HEXD: variants seen among roughly 807,000 people sequenced by gnomAD.
The protein encoded by HEXD is N-acetyl-beta-galactosaminidase.
HEXD carries 47 observed loss-of-function variants against 54.2 expected under a neutral mutation model. The ratio of observed to expected loss-of-function variants is 0.87; its 90% CI spans 0.69 to 1.11. The LOEUF is 1.11. Ranked by LOEUF, HEXD falls within the 50% of genes least tolerant of loss-of-function variation. The pLI is 0.00. For missense variants in HEXD, 576 were observed against 649.2 expected (o/e 0.89, Z 1.23); for synonymous variants, 293 against 287.6 (o/e 1.02, Z -0.19).
In HEXD at chr17:82,418,382, A is replaced by T. The variant is rs542040886; in HGVS notation, c.-410A>T. 304 of 1,411,906 alleles carry T rather than the reference A, an allele frequency of 2.2e-4. 4 individuals carry two copies. The South Asian group carries it at 3.7e-3, about 17-fold the overall frequency. The allele number at this position is 1,411,906 out of a possible 1,614,324, so 87.5% of individuals were successfully genotyped here. ...ACTCCATGGCCCTGTCCGCCGCCGC[A>T]GCGCGCGCCCTTCCCCTCCTCACCG... is the stretch of plus-strand genomic sequence containing the variant. On this transcript the variant is annotated 5_prime_UTR_variant, in exon 1 of 13. Transcript: ENST00000327949.
At chr17:82,421,837 AAAAG>A (rs767617508) in intron 2 of HEXD, among the ~76,000 whole-genome samples, 12 of 151,870 alleles carry the variant, frequency 7.9e-5, no homozygotes, top group African/African-American at 1.9e-4. Context: ...AAAAAAGAAA[AAAAG>A]AAGCAAAAAA....
Position 82,419,735 on chromosome 17 carries a change from A to G in HEXD, c.-51-14A>G, listed in dbSNP as rs2053175804. 8 of 1,033,150 alleles carry G rather than the reference A, an allele frequency of 7.7e-6. No individual in the cohort carries two copies. Among genetic ancestry groups the G allele is most frequent in the Non-Finnish European group, 1.1e-5 (7 of 666,584 alleles). 64.0% of individuals were successfully genotyped at this position (1,033,150 alleles called of 1,614,324 possible). On this transcript the variant is annotated splice_polypyrimidine_tract_variant and intron_variant, in intron 1 of 12. Transcript: ENST00000327949. ...CTTCTGCCCCTGTTGATAACTCTTG[A>G]TTTTCTCCACTAGGAAGAAGTCCCC... is the stretch of plus-strand genomic sequence containing the variant.
At chr17:82,437,088 G>A in intron 7 of HEXD, 80 bp from the exon 8 acceptor site, 14 of 1,294,412 alleles carry the variant, frequency 1.1e-5, no homozygotes, top group Non-Finnish European at 1.4e-5. Flanking sequence ...GTTGGCTCTG[G>A]GTACAGCCCC....
At position 82,424,212 on chromosome 17, in the gene HEXD, C is replaced by T. The variant is rs142570318; in HGVS notation, c.85-182C>T. ...CTTCTGTGCAAAATAGTCACTGGAA[C>T]GGGGAGTTTCATTTGGCATAACGTA... On this transcript the variant is annotated intron_variant, in intron 2 of 12. Transcript: ENST00000327949. Among the ~76,000 whole-genome samples the T allele has an allele frequency of 2.7e-3, 409 of 152,278 alleles. 2 individuals are homozygous for T. Among genetic ancestry groups the T allele is most frequent in the Non-Finnish European group, 4.5e-3 (303 of 68,024 alleles).
At chr17:82,438,574 G>T (rs192367637) in intron 8 of HEXD, among the ~76,000 whole-genome samples, 1 of 152,208 alleles carries the variant, frequency 6.6e-6, no homozygotes, top group Non-Finnish European at 1.5e-5. Flanking sequence ...ACCCCTGGTC[G>T]CCGGCCAAGT....
chr17:82,440,762 T>G, intron 9 of HEXD: 2 of 564,758 alleles, frequency 3.5e-6, no homozygotes, highest in Non-Finnish European at 6.2e-6. Flanking sequence ...AACACAGTCT[T>G]ACTTCTGTTT....
chr17:82,434,038 A>G lies in HEXD; in HGVS notation c.447+216A>G, dbSNP rs906358487. Among the ~76,000 whole-genome samples the G allele has an allele frequency of 3.3e-5, 5 of 149,572 alleles. No individual in the cohort carries two copies. Among genetic ancestry groups the G allele is most frequent in the Non-Finnish European group, 5.9e-5 (4 of 67,260 alleles). On this transcript the variant is annotated intron_variant, in intron 5 of 12. Transcript: ENST00000327949. The surrounding 1 kb of genome is among the most constrained non-coding windows in gnomAD (Gnocchi z 4.5). ...CACCCTCGTGTCAGACGCGTCCAAC[A>G]TCTTCTCCGGGTGGATGGGCGGCCT... is the stretch of plus-strand genomic sequence containing the variant.
chr17:82,439,912 G>A, intron 9 of HEXD, 199 bp downstream of exon 9: 1 of 1,525,422 alleles, frequency 6.6e-7, no homozygotes, highest in Non-Finnish European at 8.8e-7. Flanking sequence ...TGGGTCTCCA[G>A]GCCTAAGCCC....
chr17:82,437,419 C>T (rs974553650), intron 8 of HEXD, 56 bp downstream of exon 8: 14 of 1,441,784 alleles, frequency 9.7e-6, no homozygotes, highest in South Asian at 1.4e-5. Context: ...GTGGCCACCA[C>T]GTCGGCCTGT....
Position 82,419,810 on chromosome 17 carries a change from C to T in HEXD, c.11C>T (p.Ser4Phe), listed in dbSNP as rs1393197338. MSG[S>F]TPFQMRLVHL... is the part of the protein sequence containing the mutation. ...ACAGGAAATATTGAAATGTCAGGTT[C>T]CACTCCATTTCAGATGAGATTAGTT... is the stretch of plus-strand genomic sequence containing the variant. The change falls in exon 2 of 13, where the codon TCC (serine) becomes TTC (phenylalanine). Residue 4 changes from serine to phenylalanine, a missense_variant. Ser to Phe is a radical substitution (Grantham distance 155). Coordinates refer to ENST00000327949, the MANE Select transcript of HEXD (RefSeq NM_001330542.2). 6.2e-7 allele frequency: 1 copy of T among 1,605,714 alleles called. No homozygotes were observed.
intron 7 of HEXD, 88 bp from the exon 8 acceptor site, chr17:82,437,080 T>C (rs2143589265): frequency 8.3e-7 from 1 of 1,202,774 alleles, no homozygotes; most frequent in Non-Finnish European, 1.2e-6. Flanking sequence ...GCTCCCATGT[T>C]GGCTCTGGGT....
chr17:82,439,611 C>T lies in HEXD; in HGVS notation c.900-20C>T, dbSNP rs778948358. The T allele has an allele frequency of 1.2e-5, 19 of 1,523,562 alleles. No individual in the cohort carries two copies. Among genetic ancestry groups the T allele is most frequent in the South Asian group, 5.1e-5 (4 of 78,826 alleles). 94.4% of individuals were successfully genotyped at this position (1,523,562 alleles called of 1,614,324 possible). On this transcript the variant is annotated intron_variant, in intron 8 of 12. Coordinates refer to ENST00000327949, the MANE Select transcript of HEXD (RefSeq NM_001330542.2). ...GCTGGGGGCGGGCTGCGGAGCTAAG[C>T]GCCCCTCTCATGGACCCAGGTACGA... is the stretch of plus-strand genomic sequence containing the variant.
chr17:82,428,803 T>G (rs1353599420), intron 4 of HEXD, among the ~76,000 whole-genome samples, 158 bp downstream of exon 4: 3 of 152,032 alleles, frequency 2.0e-5, no homozygotes, highest in Non-Finnish European at 4.4e-5. Context: ...GTCTAGGAAG[T>G]CCCTGCCTGA....
At position 82,442,384 on chromosome 17, in the gene HEXD, A is replaced by C. The variant is rs755585909; in HGVS notation, c.1461A>C (p.Ter487CysextTer45). The part of the protein sequence containing the change: ...SPGRDVAQDP[*>C] Reference sequence around the variant, plus strand: ...GCAGGGACGTTGCTCAGGACCCCTGAGGGGAGAGCTCATGCCAGGGGGCTC... The same window carrying C: ...GCAGGGACGTTGCTCAGGACCCCTGCGGGGAGAGCTCATGCCAGGGGGCTC... The change falls in exon 13 of 13, where the codon TGA becomes TGC. Residue 487 changes from the stop codon to cysteine (C), a stop_lost. Transcript: ENST00000327949. This position sits in a 1 kb window ranked among gnomAD's most constrained non-coding sequence, Gnocchi z 6.8. 1.2e-6 allele frequency: 2 copies of C among 1,609,636 alleles called. No individual in the cohort carries two copies. Among genetic ancestry groups the C allele is most frequent in the Non-Finnish European group, 1.7e-6 (2 of 1,177,594 alleles).
intron 11 of HEXD, 116 bp from the exon 12 acceptor site, chr17:82,441,684 G>T: frequency 2.4e-6 from 2 of 835,120 alleles, no homozygotes; most frequent in East Asian, 2.4e-5. Flanking sequence ...GACTTTCTGG[G>T]GGACATAAGA....
chr17:82,435,586 C>G (rs985333061), intron 5 of HEXD, 103 bp from the exon 6 acceptor site: 8 of 1,211,366 alleles, frequency 6.6e-6, no homozygotes, highest in Admixed American at 4.6e-5. Flanking sequence ...GCCTCCTCCC[C>G]ACAGGCAGCG....
At chr17:82,439,340 G>A (rs2053861020) in intron 8 of HEXD, 1 of 752,224 alleles carries the variant, frequency 1.3e-6, no homozygotes, top group African/African-American at 1.9e-5. Context: ...ACAACGACCG[G>A]CCACCCACCC....
chr17:82,441,338 G>T (rs1187033111), intron 11 of HEXD, 72 bp downstream of exon 11: 1 of 1,400,520 alleles, frequency 7.1e-7, no homozygotes. Context: ...GAGGGGGCAG[G>T]TGTGGGTGGG....
Position 82,433,685 on chromosome 17 carries a change from C to G in HEXD, c.310C>G (p.His104Asp), listed in dbSNP as rs759509250. 6.2e-7 allele frequency: 1 copy of G among 1,606,402 alleles called. No individual in the cohort carries two copies. The highest frequency in any genetic ancestry group is 8.5e-7 in the Non-Finnish European group (1 of 1,177,392). Residue 104 changes from histidine to aspartate, a missense_variant, in exon 5 of 13, where the codon CAC (histidine) becomes GAC (aspartate). Transcript: ENST00000327949. ...EFVLKHTAFA[H>D]LREVGSFPCT... Reference sequence around the variant, plus strand: ...TGTGCTGAAGCACACGGCCTTCGCCCACCTGCGGGAGGTGGGCTCCTTCCC... The same window carrying G: ...TGTGCTGAAGCACACGGCCTTCGCCGACCTGCGGGAGGTGGGCTCCTTCCC...
Sources: allele counts gnomAD v4.1 joint callset (sites outside exome capture counted in the v4.1 genomes callset), GRCh38; gene constraint gnomAD v4.1.1; non-coding constraint Gnocchi (gnomAD v3.1); transcripts MANE v1.5; gene names NCBI Gene and HGNC (gene_info 2026-07-23, HGNC 2026-07-21).